NRXN1: variants seen among roughly 807,000 people sequenced by gnomAD.
The protein encoded by NRXN1 is neurexin-1.
Under a neutral mutation model 150.9 loss-of-function variants are expected in NRXN1, and 39 were observed. The observed-to-expected ratio is 0.26, with a 90% CI of 0.20 to 0.34. The LOEUF (loss-of-function observed/expected upper bound fraction) is 0.34. Among genes scored for constraint, NRXN1 ranks in the 10% least tolerant of loss-of-function variants. The probability of loss-of-function intolerance (pLI) is 1.00; values close to 1 mark genes in which losing one functional copy is unlikely to be tolerated. For synonymous variants in NRXN1, 924 were observed against 757.0 expected (o/e 1.22, Z -3.62); for missense variants, 1,815 against 1,949.9 (o/e 0.93, Z 1.30).
chr2:50,698,187 C>T (rs1693207267), intron 5 of NRXN1, among the ~76,000 whole-genome samples: 1 of 152,220 alleles, frequency 6.6e-6, no homozygotes, highest in African/African-American at 2.4e-5. Context: ...TTAGTAGGTG[C>T]TCAGTAGATA....
At chr2:50,134,973 T>C (rs1439726276) in intron 18 of NRXN1, among the ~76,000 whole-genome samples, 1 of 152,214 alleles carries the variant, frequency 6.6e-6, no homozygotes, top group South Asian at 2.1e-4. Flanking sequence ...CCACTGCCTC[T>C]TTCTTGTTCT....
At chr2:50,416,576 C>T (rs575749386) in intron 17 of NRXN1, among the ~76,000 whole-genome samples, 2 of 152,152 alleles carry the variant, frequency 1.3e-5, no homozygotes, top group Non-Finnish European at 2.9e-5. Context: ...TAAAGAAATG[C>T]CCAAGACTGG....
intron 5 of NRXN1, among the ~76,000 whole-genome samples, chr2:50,634,233 T>C (rs1682875693): frequency 6.6e-6 from 1 of 152,220 alleles, no homozygotes. Context: ...CTGTCTATTG[T>C]GTGGAAAATA....
At chr2:50,786,245 G>C (rs190357319) in intron 5 of NRXN1, among the ~76,000 whole-genome samples, 1 of 152,166 alleles carries the variant, frequency 6.6e-6, no homozygotes, top group African/African-American at 2.4e-5. Context: ...ATCTATGTAC[G>C]ACAGGAAGTG....
chr2:50,936,072 T>A (rs1156453139), intron 2 of NRXN1, among the ~76,000 whole-genome samples: 1 of 152,148 alleles, frequency 6.6e-6, no homozygotes, highest in Non-Finnish European at 1.5e-5. Context: ...TCCTAATGAA[T>A]AACATTTAAT....
At chr2:50,991,265 T>A (rs926322555) in intron 2 of NRXN1, among the ~76,000 whole-genome samples, 12 of 152,028 alleles carry the variant, frequency 7.9e-5, no homozygotes, top group Admixed American at 3.3e-4. Flanking sequence ...ATCCACATTT[T>A]AAAAAATAAG....
At chr2:50,237,167 T>G (rs1041128595) in intron 17 of NRXN1, among the ~76,000 whole-genome samples, 197 bp from the exon 18 acceptor site, 3 of 152,080 alleles carry the variant, frequency 2.0e-5, no homozygotes, top group Non-Finnish European at 4.4e-5. Flanking sequence ...AGCTCAGTTT[T>G]TAATACACTG....
intron 17 of NRXN1, among the ~76,000 whole-genome samples, chr2:50,423,884 G>T (rs1160594010): frequency 6.6e-6 from 1 of 152,094 alleles, no homozygotes; most frequent in East Asian, 1.9e-4. Context: ...CAGCAGCTGG[G>T]TAATCGCTGG....
intron 5 of NRXN1, among the ~76,000 whole-genome samples, chr2:50,694,301 A>C (rs906791346): frequency 6.6e-6 from 1 of 152,146 alleles, no homozygotes; most frequent in African/African-American, 2.4e-5. Flanking sequence ...TGTCTCTTAC[A>C]TTTACATATT....
intron 17 of NRXN1, among the ~76,000 whole-genome samples, chr2:50,372,076 T>C (rs2080070198): frequency 6.6e-6 from 1 of 152,114 alleles, no homozygotes; most frequent in Non-Finnish European, 1.5e-5. Context: ...ATGTCTTTCA[T>C]ACATTTGAAG....
chr2:50,962,286 T>C (rs1455456594), intron 2 of NRXN1, among the ~76,000 whole-genome samples: 2 of 151,788 alleles, frequency 1.3e-5, no homozygotes, highest in Non-Finnish European at 2.9e-5. Context: ...CTGTTCTTCC[T>C]ATCTACTTTC....
chr2:50,221,843 A>G (rs139166885), intron 18 of NRXN1, among the ~76,000 whole-genome samples: 111 of 152,144 alleles, frequency 7.3e-4, no homozygotes, highest in East Asian at 1.6e-3. Flanking sequence ...GAACTTCGTC[A>G]TTTAAATTGG....
intron 17 of NRXN1, among the ~76,000 whole-genome samples, chr2:50,263,149 AACACACAT>A (rs760687387): frequency 4.7e-5 from 6 of 129,018 alleles, no homozygotes; most frequent in African/African-American, 1.5e-4. Flanking sequence ...CCAAGAGGAA[AACACACAT>A]ACACACACAC....
At position 51,027,691 on chromosome 2, in the gene NRXN1, G is replaced by A. The variant is rs923508164; in HGVS notation, c.583C>T (p.Leu195=). 16 of 1,604,742 alleles carry A rather than the reference G, an allele frequency of 1.0e-5. No homozygotes were observed. The African/African-American group carries it at 1.6e-4, about 16-fold the overall frequency. The change falls in exon 2 of 23, where the codon CTG becomes TTG. Residue 195 remains leucine (L), a synonymous_variant. Coordinates refer to ENST00000401669, the MANE Select transcript of NRXN1 (RefSeq NM_001330078.2). ...RDVRVNSSQV[L]PVDSGEVKLD... ...TTCACCTCGCCGCTGTCCACGGGCA[G>A]GACCTGCGAGGAGTTGACCCTCACG...
intron 12 of NRXN1, among the ~76,000 whole-genome samples, chr2:50,511,729 G>A (rs2092459713): frequency 6.6e-6 from 1 of 152,146 alleles, no homozygotes; most frequent in Non-Finnish European, 1.5e-5. Context: ...ACCGACAGAG[G>A]AAAATGTGTG....
At chr2:51,006,897 T>G (rs977073454) in intron 2 of NRXN1, among the ~76,000 whole-genome samples, 3 of 151,954 alleles carry the variant, frequency 2.0e-5, no homozygotes, top group Non-Finnish European at 4.4e-5. Context: ...CTCCCAAATC[T>G]GAGTTGCTTG....
intron 17 of NRXN1, among the ~76,000 whole-genome samples, chr2:50,243,349 G>A (rs10183892): frequency 0.41 from 62,308 of 151,408 alleles, 13,033 homozygotes; most frequent in Middle Eastern, 0.46. Flanking sequence ...ACAATGGGAA[G>A]TTTGTCATAT....
At chr2:50,720,868 C>T (rs894162805) in intron 5 of NRXN1, among the ~76,000 whole-genome samples, 1 of 152,148 alleles carries the variant, frequency 6.6e-6, no homozygotes, top group African/African-American at 2.4e-5. Context: ...AAACCTGAGC[C>T]AGCCAATTAG....
intron 5 of NRXN1, among the ~76,000 whole-genome samples, chr2:50,724,019 T>C (rs1426803201): frequency 6.6e-6 from 1 of 152,246 alleles, no homozygotes; most frequent in Non-Finnish European, 1.5e-5. Flanking sequence ...GAATGGAGCA[T>C]GCACAACATT....
Sources: gnomAD v4.1 joint callset for allele counts (sites outside exome capture counted in the v4.1 genomes callset) on GRCh38, gnomAD v4.1.1 for gene constraint, MANE v1.5 for transcripts, NCBI Gene and HGNC (gene_info 2026-07-23, HGNC 2026-07-21) for gene names.